The following BICDL1 variants were observed in gnomAD, a reference collection of about 807,000 sequenced individuals.
The protein encoded by BICDL1 is BICD family-like cargo adapter 1.
A neutral mutation model predicts 76.8 loss-of-function variants in BICDL1; 20 were observed. That is an observed-to-expected ratio of 0.26 (90% CI 0.18 to 0.38). The LOEUF is 0.38. Among genes scored for constraint, BICDL1 ranks in the 10% least tolerant of loss-of-function variants. The pLI is 1.00. For missense variants in BICDL1, 700 were observed against 798.6 expected (o/e 0.88, Z 1.49); for synonymous variants, 383 against 337.1 (o/e 1.14, Z -1.49).
intron 2 of BICDL1, among the ~76,000 whole-genome samples, chr12:120,054,198 G>A (rs1216855102): frequency 6.6e-6 from 1 of 151,296 alleles, no homozygotes; most frequent in Non-Finnish European, 1.5e-5. Context: ...TCAGCCTCCC[G>A]AGTAGCTGGG....
chr12:120,036,985 G>T (rs947324930), intron 2 of BICDL1, among the ~76,000 whole-genome samples: 1 of 152,216 alleles, frequency 6.6e-6, no homozygotes, highest in Non-Finnish European at 1.5e-5. Flanking sequence ...ATGCTTTGAG[G>T]ATTCACTTTC....
chr12:119,991,407 A>G (rs1951520671), intron 1 of BICDL1, among the ~76,000 whole-genome samples: 1 of 152,220 alleles, frequency 6.6e-6, no homozygotes, highest in Non-Finnish European at 1.5e-5. Flanking sequence ...CCAGCGACGT[A>G]AAAGTAAATC....
chr12:120,032,561 T>C (rs954174385), intron 2 of BICDL1, among the ~76,000 whole-genome samples: 1 of 152,188 alleles, frequency 6.6e-6, no homozygotes, highest in Admixed American at 6.5e-5. Context: ...TGGGAAATTT[T>C]ATTTAACTTA....
chr12:120,021,586 CAAAA>C (rs145151630), intron 2 of BICDL1, among the ~76,000 whole-genome samples: 33 of 46,326 alleles, frequency 7.1e-4, no homozygotes, highest in African/African-American at 1.3e-3. Context: ...GACTCCATCT[CAAAA>C]AAAAAAAAAA....
intron 8 of BICDL1, among the ~76,000 whole-genome samples, chr12:120,082,054 A>G (rs1339064269): frequency 6.6e-6 from 1 of 152,230 alleles, no homozygotes; most frequent in African/African-American, 2.4e-5. Flanking sequence ...CTGATTTAGA[A>G]TCAGACTCCG....
chr12:120,057,614 A>C (rs761537688), intron 2 of BICDL1, among the ~76,000 whole-genome samples: 1 of 152,168 alleles, frequency 6.6e-6, no homozygotes, highest in Non-Finnish European at 1.5e-5. Context: ...AAAGAAGAAA[A>C]TAATTTATTT....
At position 119,989,824 on chromosome 12, in the gene BICDL1, C is replaced by T; in HGVS notation, c.-45C>T. 1.9e-6 allele frequency: 2 copies of T among 1,070,626 alleles called. No individual in the cohort carries two copies. The highest frequency in any genetic ancestry group is 2.3e-6 in the Non-Finnish European group (2 of 873,824). The allele number at this position is 1,070,626 out of a possible 1,614,324, so 66.3% of individuals were successfully genotyped here. A position where few individuals can be genotyped will look rare whatever the true frequency, so the allele number is the denominator to read the frequency against. The stretch of plus-strand genomic sequence containing the variant: ...GGCCCCTCCCCCCTGCAGCCTGGCG[C>T]GCGCGGGCCGGGCCGCACCGCTGCG... On this transcript the variant is annotated 5_prime_UTR_variant, in exon 1 of 10. Coordinates refer to ENST00000548673, the MANE Select transcript of BICDL1 (RefSeq NM_001367886.1).
intron 2 of BICDL1, among the ~76,000 whole-genome samples, chr12:120,043,875 T>C (rs1022400916): frequency 2.0e-5 from 3 of 152,234 alleles, no homozygotes; most frequent in Non-Finnish European, 4.4e-5. Context: ...GAGATATAAT[T>C]TCTGCCCTTA....
intron 8 of BICDL1, among the ~76,000 whole-genome samples, chr12:120,085,818 A>G (rs1010912332): frequency 2.0e-5 from 3 of 151,320 alleles, no homozygotes; most frequent in Non-Finnish European, 2.9e-5. Flanking sequence ...AAAAAAAAAA[A>G]AAAGGCAGAA....
chr12:120,022,524 C>T (rs1489709085), intron 2 of BICDL1, among the ~76,000 whole-genome samples: 1 of 148,940 alleles, frequency 6.7e-6, no homozygotes. Context: ...ACTTAAGAGG[C>T]ATGAAAAACA....
intron 8 of BICDL1, among the ~76,000 whole-genome samples, 175 bp from the exon 9 acceptor site, chr12:120,089,776 A>G (rs963113159): frequency 4.6e-5 from 7 of 152,228 alleles, no homozygotes; most frequent in African/African-American, 1.7e-4. Flanking sequence ...ATGTGAAAAC[A>G]TGTTGCAAAC....
At chr12:120,011,341 G>A (rs1338641718) in intron 2 of BICDL1, among the ~76,000 whole-genome samples, 1 of 152,192 alleles carries the variant, frequency 6.6e-6, no homozygotes, top group Non-Finnish European at 1.5e-5. Context: ...AAATGGGTTG[G>A]TGAACAACTA....
chr12:120,009,706 C>A (rs901829912), intron 2 of BICDL1, among the ~76,000 whole-genome samples: 1 of 152,112 alleles, frequency 6.6e-6, no homozygotes, highest in African/African-American at 2.4e-5. Flanking sequence ...GACAGGCAGA[C>A]AAAAAGTTGG....
At chr12:120,080,470 TAGC>T in intron 7 of BICDL1, among the ~76,000 whole-genome samples, 1 of 152,138 alleles carries the variant, frequency 6.6e-6, no homozygotes, top group African/African-American at 2.4e-5. Context: ...GCTCTGTTGA[TAGC>T]AGCATCCATG....
At chr12:120,004,949 GTAGCT>G (rs1349990252) in intron 2 of BICDL1, among the ~76,000 whole-genome samples, 1 of 152,000 alleles carries the variant, frequency 6.6e-6, no homozygotes, top group African/African-American at 2.4e-5. Context: ...AGCCTCCTGA[GTAGCT>G]GGGATTACAG....
Position 120,093,370 on chromosome 12 carries a change from G to A in BICDL1, c.*209G>A, listed in dbSNP as rs926420711. 2.0e-5 allele frequency: 12 copies of A among 611,428 alleles called. No individual in the cohort carries two copies. The highest frequency in any genetic ancestry group is 4.5e-4 in the Middle Eastern group (1 of 2,228). The allele number at this position is 611,428 out of a possible 1,614,324, so 37.9% of individuals were successfully genotyped here. ...GCCTTGGCCACTGAAGGCTTCCCTT[G>A]GCCCACCGCCTGGCCAAGCCCACGC... is the stretch of plus-strand genomic sequence containing the variant. On this transcript the variant is annotated 3_prime_UTR_variant, in exon 10 of 10. Transcript: ENST00000548673.
Position 119,989,839 on chromosome 12 carries a change from G to C in BICDL1, c.-30G>C. The C allele has an allele frequency of 8.0e-7, 1 of 1,247,132 alleles. No homozygotes were observed. The highest frequency in any genetic ancestry group is 3.1e-4 in the Middle Eastern group (1 of 3,206). 77.3% of individuals were successfully genotyped at this position (1,247,132 alleles called of 1,614,324 possible). A position where few individuals can be genotyped will look rare whatever the true frequency, so the allele number is the denominator to read the frequency against. ...CAGCCTGGCGCGCGCGGGCCGGGCC[G>C]CACCGCTGCGGGCTCCGCGCGCGCG... On this transcript the variant is annotated 5_prime_UTR_variant, in exon 1 of 10. Transcript: ENST00000548673.
chr12:120,037,013 C>A (rs1594148292), intron 2 of BICDL1, among the ~76,000 whole-genome samples: 2 of 152,302 alleles, frequency 1.3e-5, no homozygotes, highest in South Asian at 2.1e-4. Flanking sequence ...TAAGTTCTGT[C>A]AGTTGAGTGT....
At position 119,989,810 on chromosome 12, in the gene BICDL1, C is replaced by T. The variant is rs929254559; in HGVS notation, c.-59C>T. On this transcript the variant is annotated 5_prime_UTR_variant, in exon 1 of 10. Transcript: ENST00000548673. ...GGGCGGCGCGGCAGGGCCCCTCCCC[C>T]CTGCAGCCTGGCGCGCGCGGGCCGG... 58 of 905,298 alleles carry T rather than the reference C, an allele frequency of 6.4e-5. No individual in the cohort carries two copies. Among genetic ancestry groups the T allele is most frequent in the South Asian group, 2.0e-4 (4 of 19,810 alleles). The allele number at this position is 905,298 out of a possible 1,614,324, so 56.1% of individuals were successfully genotyped here. A position where few individuals can be genotyped will look rare whatever the true frequency, so the allele number is the denominator to read the frequency against.
Sources: gnomAD v4.1 joint callset for allele counts (sites outside exome capture counted in the v4.1 genomes callset) on GRCh38, gnomAD v4.1.1 for gene constraint, MANE v1.5 for transcripts, NCBI Gene and HGNC (gene_info 2026-07-23, HGNC 2026-07-21) for gene names.